RNF112: variants seen among roughly 807,000 people sequenced by gnomAD.
RNF112 encodes ring finger protein 112.
Under a neutral mutation model 64.7 loss-of-function variants are expected in RNF112, and 34 were observed. The observed-to-expected ratio is 0.53, with a 90% CI of 0.40 to 0.70. The LOEUF (loss-of-function observed/expected upper bound fraction) is 0.70. Among genes scored for constraint, RNF112 ranks in the 30% least tolerant of loss-of-function variants. The pLI is 0.00. For missense variants in RNF112, 734 were observed against 850.0 expected (o/e 0.86, Z 1.70); for synonymous variants, 345 against 344.5 (o/e 1.00, Z -0.02).
In RNF112 at chr17:19,415,522, C is replaced by G; in HGVS notation, c.1355C>G (p.Ala452Gly). ...CCTGGGTTTTCCCGTGGACAGATGG[C>G]TGCTCAGCTGCACGACCTGAGGAAG... ...GPGFTSPDEM[A>G]AQLHDLRKVE... Residue 452 changes from alanine (A) to glycine (G), a missense_variant, in exon 13 of 14, where the codon GCT (alanine) becomes GGT (glycine). Ala to Gly is a moderately conservative substitution (Grantham distance 60). Coordinates refer to ENST00000461366, the MANE Select transcript of RNF112 (RefSeq NM_007148.5). The surrounding 1 kb of genome is among the most constrained non-coding windows in gnomAD (Gnocchi z 7.8). The G allele has an allele frequency of 6.2e-7, 1 of 1,611,402 alleles. No individual in the cohort carries two copies. Among genetic ancestry groups the G allele is most frequent in the South Asian group, 1.1e-5 (1 of 90,466 alleles).
chr17:19,415,229 C>A lies in RNF112; in HGVS notation c.1296+22C>A. On this transcript the variant is annotated intron_variant, in intron 11 of 13. Transcript: ENST00000461366. This position sits in a 1 kb window ranked among gnomAD's most constrained non-coding sequence, Gnocchi z 7.8. ...CAAGGTGTGAAAACTCCCTGGAGAC[C>A]CAGGCGACTCGGCTGGGCCCCTGCT... 6.3e-7 allele frequency: 1 copy of A among 1,599,892 alleles called. No homozygotes were observed. The highest frequency in any genetic ancestry group is 8.5e-7 in the Non-Finnish European group (1 of 1,176,362).
rs541880260 is a variant in RNF112, at chr17:19,413,959, C to T, written c.826-136C>T. The T allele has an allele frequency of 1.1e-5, 8 of 720,200 alleles. No individual in the cohort carries two copies. Among genetic ancestry groups the T allele is most frequent in the Middle Eastern group, 2.5e-4 (1 of 4,056 alleles). The allele number at this position is 720,200 out of a possible 1,614,324, so 44.6% of individuals were successfully genotyped here. A position where few individuals can be genotyped will look rare whatever the true frequency, so the allele number is the denominator to read the frequency against. On this transcript the variant is annotated intron_variant, in intron 6 of 13. Transcript: ENST00000461366. This position sits in a 1 kb window ranked among gnomAD's most constrained non-coding sequence, Gnocchi z 5.9. ...GAGGCCAGCCCAGCCCTGCAGCCTTCGAGGCCCCCATACTGGCCTCTCCCA... is the reference window on the plus strand; with the variant it reads ...GAGGCCAGCCCAGCCCTGCAGCCTTTGAGGCCCCCATACTGGCCTCTCCCA...
rs1424032024 is a variant in RNF112 at position 19,413,357 on chromosome 17, CA to C, written c.667del (p.Arg223GlyfsTer30). ...GCRWGANGLA[R>X]GIWMWSHPFL... ...GCAGGTGGGGCGCCAATGGCCTCGC[CA>C]GGGGCATATGGATGTGGAGCCACCC... On this transcript the variant is annotated frameshift_variant, in exon 5 of 14. Coordinates refer to ENST00000461366, the MANE Select transcript of RNF112 (RefSeq NM_007148.5). LOFTEE classifies it high-confidence loss of function. The surrounding 1 kb of genome is among the most constrained non-coding windows in gnomAD (Gnocchi z 5.9). The C allele has an allele frequency of 6.2e-7, 1 of 1,613,184 alleles. No individual in the cohort carries two copies. Among genetic ancestry groups the C allele is most frequent in the Non-Finnish European group, 8.5e-7 (1 of 1,179,650 alleles).
At chr17:19,411,545 A>C in intron 1 of RNF112, 83 bp downstream of exon 1, 3 of 1,512,984 alleles carry the variant, frequency 2.0e-6, no homozygotes, top group Non-Finnish European at 2.7e-6. Flanking sequence ...GGGGGTGGGG[A>C]GGATGAGGGG....
chr17:19,413,744 C>A lies in RNF112; in HGVS notation c.825+63C>A. 1 of 1,272,226 alleles carries A rather than the reference C, an allele frequency of 7.9e-7. No individual in the cohort carries two copies. The highest frequency in any genetic ancestry group is 1.1e-6 in the Non-Finnish European group (1 of 910,742). The allele number at this position is 1,272,226 out of a possible 1,614,324, so 78.8% of individuals were successfully genotyped here. A position where few individuals can be genotyped will look rare whatever the true frequency, so the allele number is the denominator to read the frequency against. On this transcript the variant is annotated intron_variant, in intron 6 of 13. Coordinates refer to ENST00000461366, the MANE Select transcript of RNF112 (RefSeq NM_007148.5). This position sits in a 1 kb window ranked among gnomAD's most constrained non-coding sequence, Gnocchi z 5.9. The stretch of plus-strand genomic sequence containing the variant: ...ACACCCTTCTCCAGCTCAGCTTCCT[C>A]AAGGCCAGAGCATCTCACAGGCTTT...
At chr17:19,411,702 G>A (rs1476157597) in intron 2 of RNF112, 32 bp downstream of exon 2, 21 of 1,566,438 alleles carry the variant, frequency 1.3e-5, no homozygotes, top group Non-Finnish European at 1.8e-5. Flanking sequence ...GCTGGGATGG[G>A]TGCAGTGAGG....
At position 19,413,431 on chromosome 17, in the gene RNF112, A is replaced by G; in HGVS notation, c.720+20A>G. ...AAGAAGGTGAGGGGGGAAGTGGCAG[A>G]AGGAGGTCAGGGATGGGAAGGGGAA... On this transcript the variant is annotated intron_variant, in intron 5 of 13. Coordinates refer to ENST00000461366, the MANE Select transcript of RNF112 (RefSeq NM_007148.5). This position sits in a 1 kb window ranked among gnomAD's most constrained non-coding sequence, Gnocchi z 5.9. 6.2e-7 allele frequency: 1 copy of G among 1,605,808 alleles called. No individual in the cohort carries two copies. Among genetic ancestry groups the G allele is most frequent in the Middle Eastern group, 1.7e-4 (1 of 5,940 alleles).
chr17:19,411,353 G>A lies in RNF112; in HGVS notation c.-56G>A. On this transcript the variant is annotated 5_prime_UTR_variant, in exon 1 of 14. Coordinates refer to ENST00000461366, the MANE Select transcript of RNF112 (RefSeq NM_007148.5). ...AGAAAAGGCATCCTTACCTCTGGTT[G>A]AAGGTCTCGGGGCCTCCCCCTCTGC... 6.4e-7 allele frequency: 1 copy of A among 1,557,342 alleles called. No homozygotes were observed. The highest frequency in any genetic ancestry group is 8.7e-7 in the Non-Finnish European group (1 of 1,143,018).
Position 19,413,196 on chromosome 17 carries a change from T to C in RNF112, c.588+52T>C. ...GGCGGGGAGCAAGGATGGGGGTTCC[T>C]GCCTGGGGGAAGCTGGGTCTGGTAT... On this transcript the variant is annotated intron_variant, in intron 4 of 13. Coordinates refer to ENST00000461366, the MANE Select transcript of RNF112 (RefSeq NM_007148.5). The surrounding 1 kb of genome is among the most constrained non-coding windows in gnomAD (Gnocchi z 5.9). 6.3e-7 allele frequency: 1 copy of C among 1,597,570 alleles called. No homozygotes were observed. The highest frequency in any genetic ancestry group is 1.7e-4 in the Middle Eastern group (1 of 5,986).
Position 19,412,771 on chromosome 17 carries a change from C to T in RNF112, c.369C>T (p.Pro123=), listed in dbSNP as rs530377991. ...KMKLLPQRPL[P]PALQETCPVR... ...AGCTCCTGCCGCAGCGGCCGCTGCCCCCTGCACTGCAGGTCTGGGGACTGG... is the reference window on the plus strand; with the variant it reads ...AGCTCCTGCCGCAGCGGCCGCTGCCTCCTGCACTGCAGGTCTGGGGACTGG... The change falls in exon 3 of 14, where the codon CCC becomes CCT. Residue 123 remains proline, a synonymous_variant. Transcript: ENST00000461366. The surrounding 1 kb of genome is among the most constrained non-coding windows in gnomAD (Gnocchi z 5.1). The T allele has an allele frequency of 1.3e-5, 21 of 1,611,636 alleles. No homozygotes were observed. The highest frequency in any genetic ancestry group is 1.6e-5 in the Non-Finnish European group (19 of 1,179,438).
Position 19,414,659 on chromosome 17 carries a change from AG to A in RNF112, c.1008+1del. ...AGQGHVGNIFQRLSGRYPKVQ... is the reference protein window; with the variant it reads ...AGQGHVGNIFXRLSGRYPKVQ... ...CAGGGGCATGTAGGCAACATCTTCCAGGTGAGTGGTGCAAGGGGATGGGGTG... is the reference window on the plus strand; with the variant it reads ...CAGGGGCATGTAGGCAACATCTTCCAGTGAGTGGTGCAAGGGGATGGGGTG... On this transcript the variant is annotated frameshift_variant and splice_region_variant, in exon 9 of 14. Coordinates refer to ENST00000461366, the MANE Select transcript of RNF112 (RefSeq NM_007148.5). LOFTEE classifies it high-confidence loss of function. 1 of 1,611,942 alleles carries A rather than the reference AG, an allele frequency of 6.2e-7. No homozygotes were observed. The highest frequency in any genetic ancestry group is 8.5e-7 in the Non-Finnish European group (1 of 1,179,784).
chr17:19,412,751 C>G lies in RNF112; in HGVS notation c.349C>G (p.Leu117Val). The G allele has an allele frequency of 6.2e-7, 1 of 1,613,004 alleles. No individual in the cohort carries two copies. The highest frequency in any genetic ancestry group is 8.5e-7 in the Non-Finnish European group (1 of 1,179,750). Residue 117 changes from leucine to valine, a missense_variant, in exon 3 of 14, where the codon CTG (leucine) becomes GTG (valine). Coordinates refer to ENST00000461366, the MANE Select transcript of RNF112 (RefSeq NM_007148.5). The surrounding 1 kb of genome is among the most constrained non-coding windows in gnomAD (Gnocchi z 5.1). ...GAGCCTGGGCGAGAAGATGAAGCTC[C>G]TGCCGCAGCGGCCGCTGCCCCCTGC... Reference protein sequence around the residue: ...LRSLGEKMKLLPQRPLPPALQ... With the variant: ...LRSLGEKMKLVPQRPLPPALQ...
At position 19,413,722 on chromosome 17, in the gene RNF112, C is replaced by T. The variant is rs928643397; in HGVS notation, c.825+41C>T. On this transcript the variant is annotated intron_variant, in intron 6 of 13. Coordinates refer to ENST00000461366, the MANE Select transcript of RNF112 (RefSeq NM_007148.5). This position sits in a 1 kb window ranked among gnomAD's most constrained non-coding sequence, Gnocchi z 5.9. ...GATGTTGGCATCCCCACCCCACACA[C>T]CCTTCTCCAGCTCAGCTTCCTCAAG... 12 of 1,429,118 alleles carry T rather than the reference C, an allele frequency of 8.4e-6. No individual in the cohort carries two copies. Among genetic ancestry groups the T allele is most frequent in the Non-Finnish European group, 1.2e-5 (12 of 1,041,438 alleles). The allele number at this position is 1,429,118 out of a possible 1,614,324, so 88.5% of individuals were successfully genotyped here.
Position 19,414,163 on chromosome 17 carries a change from G to T in RNF112, c.876+18G>T, listed in dbSNP as rs563634445. 2 of 1,599,214 alleles carry T rather than the reference G, an allele frequency of 1.3e-6. No homozygotes were observed. Among genetic ancestry groups the T allele is most frequent in the Admixed American group, 3.3e-5 (2 of 59,804 alleles). ...ATCTGGAGGTAAAGAGACCTCTGATGTTGGGGCATCCCCCACCCCCACCCT... is the reference window on the plus strand; with the variant it reads ...ATCTGGAGGTAAAGAGACCTCTGATTTTGGGGCATCCCCCACCCCCACCCT... On this transcript the variant is annotated intron_variant, in intron 7 of 13. Coordinates refer to ENST00000461366, the MANE Select transcript of RNF112 (RefSeq NM_007148.5).
chr17:19,416,262 T>C lies in RNF112; in HGVS notation c.*87T>C, dbSNP rs886736942. The C allele has an allele frequency of 2.4e-6, 3 of 1,237,984 alleles. No individual in the cohort carries two copies. Among genetic ancestry groups the C allele is most frequent in the African/African-American group, 1.5e-5 (1 of 66,246 alleles). The allele number at this position is 1,237,984 out of a possible 1,614,324, so 76.7% of individuals were successfully genotyped here. The stretch of plus-strand genomic sequence containing the variant: ...GTCGGGGGAGGGTGATGCCAGGGAT[T>C]CCAAGGCACCGCCATGTACTGCACT... On this transcript the variant is annotated 3_prime_UTR_variant, in exon 14 of 14. Transcript: ENST00000461366.
In RNF112 at chr17:19,412,038, A is replaced by G. The variant is rs1349776395; in HGVS notation, c.95+368A>G. Among the ~76,000 whole-genome samples, 1 of 152,076 alleles carries G rather than the reference A, an allele frequency of 6.6e-6. No homozygotes were observed. Among genetic ancestry groups the G allele is most frequent in the African/African-American group, 2.4e-5 (1 of 41,412 alleles). On this transcript the variant is annotated intron_variant, in intron 2 of 13. Transcript: ENST00000461366. The surrounding 1 kb of genome is among the most constrained non-coding windows in gnomAD (Gnocchi z 5.1). ...GAGCCCCGCTGTAGAACGCCGGGAG[A>G]GGCTCTTCCCAAGCATTTGCACCAG...
In RNF112 at chr17:19,415,281, C is replaced by T. The variant is rs769239308; in HGVS notation, c.1297-5C>T. The T allele has an allele frequency of 4.4e-6, 7 of 1,609,142 alleles. No individual in the cohort carries two copies. The highest frequency in any genetic ancestry group is 4.5e-5 in the East Asian group (2 of 44,834). ...TCCCTGACCCCAGCGATGGTATCTC[C>T]GCAGAACCTCTCAGGATGGATGGGG... On this transcript the variant is annotated splice_polypyrimidine_tract_variant and splice_region_variant and intron_variant, in intron 11 of 13. Coordinates refer to ENST00000461366, the MANE Select transcript of RNF112 (RefSeq NM_007148.5). The surrounding 1 kb of genome is among the most constrained non-coding windows in gnomAD (Gnocchi z 7.8).
chr17:19,413,739 T>G lies in RNF112; in HGVS notation c.825+58T>G, dbSNP rs757998792. 7.6e-7 allele frequency: 1 copy of G among 1,309,468 alleles called. No homozygotes were observed. The highest frequency in any genetic ancestry group is 1.1e-6 in the Non-Finnish European group (1 of 941,988). The allele number at this position is 1,309,468 out of a possible 1,614,324, so 81.1% of individuals were successfully genotyped here. On this transcript the variant is annotated intron_variant, in intron 6 of 13. Coordinates refer to ENST00000461366, the MANE Select transcript of RNF112 (RefSeq NM_007148.5). This position sits in a 1 kb window ranked among gnomAD's most constrained non-coding sequence, Gnocchi z 5.9. ...CCCACACACCCTTCTCCAGCTCAGC[T>G]TCCTCAAGGCCAGAGCATCTCACAG...
chr17:19,416,150 G>A lies in RNF112; in HGVS notation c.1871G>A (p.Arg624Gln), dbSNP rs1045207770. Reference protein sequence around the residue: ...EEDERLLEGDREPLLQEE With the variant: ...EEDERLLEGDQEPLLQEE ...GATGAGAGGCTTCTGGAAGGGGACC[G>A]AGAGCCCCTTCTCCAGGAAGAGTAA... Residue 624 changes from arginine to glutamine, a missense_variant, in exon 14 of 14, where the codon CGA becomes CAA. By Grantham distance (43) the Arg-to-Gln change is conservative. Transcript: ENST00000461366. 2.0e-5 allele frequency: 31 copies of A among 1,565,050 alleles called. No individual in the cohort carries two copies. The highest frequency in any genetic ancestry group is 2.7e-5 in the Non-Finnish European group (31 of 1,155,498).
Sources: allele counts gnomAD v4.1 joint callset (sites outside exome capture counted in the v4.1 genomes callset), GRCh38; gene constraint gnomAD v4.1.1; non-coding constraint Gnocchi (gnomAD v3.1); transcripts MANE v1.5; gene names NCBI Gene and HGNC (gene_info 2026-07-23, HGNC 2026-07-21).